Variants in PDE1C observed in about 807,000 individuals in gnomAD.
The protein encoded by PDE1C is phosphodiesterase 1C, also known as dual specificity calcium/calmodulin-dependent 3',5'-cyclic nucleotide phosphodiesterase 1C.
A neutral mutation model predicts 93.1 loss-of-function variants in PDE1C; 62 were observed. The ratio of observed to expected loss-of-function variants is 0.67; its 90% CI spans 0.54 to 0.82. The LOEUF is 0.82. Ranked by LOEUF, PDE1C falls within the 40% of genes least tolerant of loss-of-function variation. The pLI is 0.00. For missense variants in PDE1C, 742 were observed against 884.6 expected (o/e 0.84, Z 2.04); for synonymous variants, 325 against 310.1 (o/e 1.05, Z -0.50).
At chr7:32,178,604 G>A (rs1378509970) in intron 2 of PDE1C, among the ~76,000 whole-genome samples, 1 of 152,084 alleles carries the variant, frequency 6.6e-6, no homozygotes, top group Non-Finnish European at 1.5e-5. Flanking sequence ...ATGCAGCTCA[G>A]GTGCAGGAGG....
chr7:32,289,141 ATGC>A (rs2128896128), intron 1 of PDE1C, among the ~76,000 whole-genome samples: 1 of 152,346 alleles, frequency 6.6e-6, no homozygotes, highest in South Asian at 2.1e-4. Flanking sequence ...ACAGTGGCTC[ATGC>A]CTGTAATCCC....
intron 1 of PDE1C, among the ~76,000 whole-genome samples, chr7:32,244,626 G>A (rs12538504): frequency 0.1 from 15,177 of 152,186 alleles, 808 homozygotes; most frequent in East Asian, 0.13. Flanking sequence ...GTCCATGAAG[G>A]AAGAACACCC....
At chr7:32,288,580 C>T (rs1006417834) in intron 1 of PDE1C, among the ~76,000 whole-genome samples, 76 of 152,302 alleles carry the variant, frequency 5.0e-4, no homozygotes, top group African/African-American at 1.8e-3. Flanking sequence ...TCTAGTCTGG[C>T]TCAAGTGCTG....
the PDE1C span, among the ~76,000 whole-genome samples, chr7:31,664,599 T>C: frequency 3.9e-5 from 6 of 152,226 alleles, no homozygotes; most frequent in African/African-American, 1.4e-4. Context: ...ATGCAGTACC[T>C]GAATCCTCCT....
At chr7:31,658,374 A>G in the PDE1C span, 6 of 1,517,736 alleles carry the variant, frequency 4.0e-6, no homozygotes, top group Non-Finnish European at 5.3e-6. Context: ...TGAAGACACA[A>G]GACTCTGGTC....
At chr7:32,131,750 G>A (rs528698120) in intron 3 of PDE1C, among the ~76,000 whole-genome samples, 1 of 152,196 alleles carries the variant, frequency 6.6e-6, no homozygotes, top group South Asian at 2.1e-4. Flanking sequence ...CCTTCCAAAT[G>A]ATTTCACATT....
the PDE1C span, among the ~76,000 whole-genome samples, chr7:31,623,787 A>C: frequency 8.6e-5 from 13 of 151,830 alleles, no homozygotes; most frequent in African/African-American, 3.1e-4. Context: ...TAGGCAGGAG[A>C]AGGAAATAAA....
chr7:32,054,828 A>G (rs1793853438), intron 1 of PDE1C, among the ~76,000 whole-genome samples: 2 of 152,224 alleles, frequency 1.3e-5, no homozygotes, highest in African/African-American at 4.8e-5. Flanking sequence ...TTAAAGCACA[A>G]GAGAAAATGC....
intron 1 of PDE1C, among the ~76,000 whole-genome samples, chr7:32,260,413 A>T (rs1810112871): frequency 6.6e-6 from 1 of 152,220 alleles, no homozygotes; most frequent in African/African-American, 2.4e-5. Flanking sequence ...CTGTGAGATG[A>T]CGTATGTGTG....
At chr7:32,298,745 G>A (rs1397110270) in exon 1 of PDE1C, 2 of 1,581,896 alleles carry the variant, frequency 1.3e-6, no homozygotes, top group Non-Finnish European at 8.6e-7. Flanking sequence ...TGGCTCGGCC[G>A]GCCGGGCAGG....
the PDE1C span, among the ~76,000 whole-genome samples, chr7:31,711,291 GTAC>G: frequency 6.6e-6 from 1 of 152,152 alleles, no homozygotes; most frequent in African/African-American, 2.4e-5. Context: ...TTATTTAAAA[GTAC>G]TACTTAAATA....
At chr7:32,298,839 G>A in exon 1 of PDE1C, 3 of 1,429,958 alleles carry the variant, frequency 2.1e-6, no homozygotes, top group South Asian at 3.0e-5. Context: ...ATCCTCCCCC[G>A]GCCGCGCCGC....
intron 2 of PDE1C, among the ~76,000 whole-genome samples, chr7:31,930,032 A>G (rs1395997993): frequency 6.6e-6 from 1 of 152,176 alleles, no homozygotes; most frequent in Non-Finnish European, 1.5e-5. Context: ...AGACTAATAA[A>G]GAAGAGAGAA....
intron 2 of PDE1C, among the ~76,000 whole-genome samples, chr7:32,037,344 A>G (rs1214206396): frequency 6.6e-6 from 1 of 152,062 alleles, no homozygotes; most frequent in Non-Finnish European, 1.5e-5. Context: ...AGTTCACGAT[A>G]AGGTAATTAA....
At chr7:31,952,988 G>T (rs1807613295) in intron 2 of PDE1C, among the ~76,000 whole-genome samples, 1 of 151,958 alleles carries the variant, frequency 6.6e-6, no homozygotes, top group South Asian at 2.1e-4. Flanking sequence ...TAAGTACCTT[G>T]ATTTGGGAGA....
intron 1 of PDE1C, among the ~76,000 whole-genome samples, chr7:32,285,749 G>A (rs1003146026): frequency 2.2e-5 from 3 of 138,486 alleles, no homozygotes; most frequent in African/African-American, 8.0e-5. Flanking sequence ...CTGGGGAGAA[G>A]AGAAGAGAGG....
the PDE1C span, among the ~76,000 whole-genome samples, chr7:31,633,298 CAAATGTA>C: frequency 9.3e-4 from 141 of 152,250 alleles, no homozygotes; most frequent in African/African-American, 3.3e-3. Context: ...CTATGACCGA[CAAATGTA>C]AAATGCTAAG....
chr7:32,143,046 T>C (rs886523484), intron 3 of PDE1C, among the ~76,000 whole-genome samples: 1 of 151,812 alleles, frequency 6.6e-6, no homozygotes, highest in Admixed American at 6.6e-5. Flanking sequence ...AACTGAATAT[T>C]GTAGGTGGAG....
intron 3 of PDE1C, among the ~76,000 whole-genome samples, chr7:32,156,306 C>G (rs1251460060): frequency 6.6e-6 from 1 of 152,092 alleles, no homozygotes; most frequent in Admixed American, 6.6e-5. Flanking sequence ...CAACAGGCCC[C>G]AATGTGTGTT....
Sources: allele counts gnomAD v4.1 joint callset (sites outside exome capture counted in the v4.1 genomes callset), GRCh38; gene constraint gnomAD v4.1.1; transcripts MANE v1.5; gene names NCBI Gene and HGNC (gene_info 2026-07-23, HGNC 2026-07-21).